RIMS2: variants seen among roughly 807,000 people sequenced by gnomAD.
The protein encoded by RIMS2 is regulating synaptic membrane exocytosis protein 2.
In RIMS2, 59 loss-of-function variants were observed where a neutral mutation model predicts 174.4. That is an observed-to-expected ratio of 0.34 (90% CI 0.27 to 0.42). The LOEUF (loss-of-function observed/expected upper bound fraction) is 0.42, where lower values mean the gene tolerates loss of function less well. RIMS2 is among the 10% of genes least tolerant of loss of function. The probability of loss-of-function intolerance (pLI) is 1.00; values close to 1 mark genes in which losing one functional copy is unlikely to be tolerated. For missense variants in RIMS2, 1,620 were observed against 1,666.3 expected (o/e 0.97, Z 0.48); for synonymous variants, 606 against 572.5 (o/e 1.06, Z -0.84).
At chr8:104,060,889 T>A (rs891447095) in intron 19 of RIMS2, among the ~76,000 whole-genome samples, 20 of 152,150 alleles carry the variant, frequency 1.3e-4, no homozygotes, top group Non-Finnish European at 2.2e-4. Flanking sequence ...TTTGAGTGAG[T>A]TTCTTAATCC....
At chr8:103,912,124 A>G (rs1458264519) in exon 6 of RIMS2, 1 of 1,608,102 alleles carries the variant, frequency 6.2e-7, no homozygotes, top group Non-Finnish European at 8.5e-7. Context: ...ATAAGCGTCT[A>G]AAAGATGGAA....
At chr8:103,747,800 T>A (rs2097841292) in intron 2 of RIMS2, among the ~76,000 whole-genome samples, 1 of 152,136 alleles carries the variant, frequency 6.6e-6, no homozygotes, top group Non-Finnish European at 1.5e-5. Context: ...CGTGTAAAGG[T>A]CTGAAATTCA....
intron 1 of RIMS2, among the ~76,000 whole-genome samples, chr8:103,525,503 G>A (rs1329085069): frequency 6.6e-6 from 1 of 152,102 alleles, no homozygotes; most frequent in Admixed American, 6.6e-5. Flanking sequence ...ATGGAAAGAG[G>A]CAGTCCGGCC....
chr8:103,509,022 A>G lies in RIMS2; in HGVS notation c.176+7960A>G, dbSNP rs186126268. 2.2e-3 allele frequency among the ~76,000 whole-genome samples: 328 copies of G among 152,096 alleles called. 1 individual carries two copies. The highest frequency in any genetic ancestry group is 3.9e-3 in the Non-Finnish European group (263 of 67,930). On this transcript the variant is annotated intron_variant, in intron 1 of 23. Coordinates refer to ENST00000504942, the Ensembl canonical transcript of RIMS2. ...CCTAGGACCAGTGTTCTCTTGAGGG[A>G]GCAGTTGTGAAGTGGCTTATTTTAT...
chr8:104,088,014 T>C (rs925818465), intron 19 of RIMS2, among the ~76,000 whole-genome samples: 10 of 152,100 alleles, frequency 6.6e-5, no homozygotes, highest in African/African-American at 2.4e-4. Flanking sequence ...CACTGCCCTC[T>C]CCTCCCAATT....
chr8:103,813,265 G>T (rs1246506523), intron 3 of RIMS2, among the ~76,000 whole-genome samples: 1 of 152,046 alleles, frequency 6.6e-6, no homozygotes, highest in Non-Finnish European at 1.5e-5. Flanking sequence ...ATTCAGACGA[G>T]CATAACTTTC....
chr8:103,796,311 C>T (rs1158964975), intron 3 of RIMS2, among the ~76,000 whole-genome samples: 1 of 152,128 alleles, frequency 6.6e-6, no homozygotes, highest in Admixed American at 6.6e-5. Flanking sequence ...TGAGTACCTA[C>T]AATGTTCTAG....
intron 19 of RIMS2, among the ~76,000 whole-genome samples, chr8:104,041,610 T>A (rs2096610530): frequency 6.6e-6 from 1 of 151,676 alleles, no homozygotes; most frequent in Admixed American, 6.6e-5. Flanking sequence ...ATAAACTGAA[T>A]AACTAAAGGC....
At chr8:104,169,755 G>C (rs1463561392) in intron 19 of RIMS2, among the ~76,000 whole-genome samples, 1 of 151,840 alleles carries the variant, frequency 6.6e-6, no homozygotes, top group Non-Finnish European at 1.5e-5. Flanking sequence ...AGTTCCTTGA[G>C]GTGTGACATT....
At chr8:103,866,263 A>G (rs967691263) in intron 3 of RIMS2, among the ~76,000 whole-genome samples, 5 of 152,094 alleles carry the variant, frequency 3.3e-5, no homozygotes, top group South Asian at 2.1e-4. Flanking sequence ...TTCTGATTCT[A>G]CTTCCTTTTA....
At chr8:103,640,071 G>A (rs540461344) in intron 1 of RIMS2, among the ~76,000 whole-genome samples, 4 of 151,914 alleles carry the variant, frequency 2.6e-5, no homozygotes, top group East Asian at 3.9e-4. Context: ...TTTGGTTTAT[G>A]TATGATTCAA....
intron 3 of RIMS2, among the ~76,000 whole-genome samples, chr8:103,865,569 G>T (rs943493476): frequency 5.3e-5 from 8 of 152,036 alleles, no homozygotes; most frequent in Non-Finnish European, 1.2e-4. Flanking sequence ...ACAGATGTGA[G>T]CCACCACACC....
intron 2 of RIMS2, among the ~76,000 whole-genome samples, chr8:103,715,076 A>G (rs2097352296): frequency 1.3e-5 from 2 of 152,192 alleles, no homozygotes; most frequent in African/African-American, 2.4e-5. Flanking sequence ...TATAAAATCA[A>G]CCAAGGACAC....
intron 1 of RIMS2, among the ~76,000 whole-genome samples, chr8:103,621,430 T>A (rs1210502533): frequency 1.3e-5 from 2 of 152,180 alleles, no homozygotes; most frequent in African/African-American, 4.8e-5. Flanking sequence ...AAGTAACTTG[T>A]GGAATGCTGA....
In RIMS2 at chr8:103,700,252, T is replaced by C. The variant is rs533810862; in HGVS notation, c.387+2956T>C. Among the ~76,000 whole-genome samples the C allele has an allele frequency of 3.3e-5, 5 of 152,286 alleles. No individual in the cohort carries two copies. The East Asian group carries it at 9.6e-4, about 29-fold the overall frequency. On this transcript the variant is annotated intron_variant, in intron 2 of 23. Coordinates refer to ENST00000504942, the Ensembl canonical transcript of RIMS2. ...TTTATGTATTTTTAGCCTCTGTTTTTAGGGACATAAACATTAGGATTGTTA... is the reference window on the plus strand; with the variant it reads ...TTTATGTATTTTTAGCCTCTGTTTTCAGGGACATAAACATTAGGATTGTTA...
intron 6 of RIMS2, 125 bp from the exon 10 acceptor site, chr8:103,915,370 C>T (rs780792588): frequency 6.5e-5 from 32 of 490,746 alleles, no homozygotes; most frequent in Non-Finnish European, 1.1e-4. Context: ...TTTAAGAAAT[C>T]ATTTTCTGTA....
At chr8:104,245,348 T>C (rs907987572) in intron 20 of RIMS2, among the ~76,000 whole-genome samples, 1 of 152,218 alleles carries the variant, frequency 6.6e-6, no homozygotes, top group Non-Finnish European at 1.5e-5. Flanking sequence ...TAGCTTGAAA[T>C]AATATATAAA....
intron 1 of RIMS2, among the ~76,000 whole-genome samples, chr8:103,547,679 T>G (rs1845751038): frequency 6.6e-6 from 1 of 151,926 alleles, no homozygotes; most frequent in Non-Finnish European, 1.5e-5. Context: ...GTGAAGGAAA[T>G]TGAGATACAC....
chr8:104,231,197 C>T (rs2099226243), intron 19 of RIMS2, among the ~76,000 whole-genome samples: 1 of 152,154 alleles, frequency 6.6e-6, no homozygotes. Context: ...CTCTCTCTCC[C>T]TTCTGGACCA....
Sources: gnomAD v4.1 joint callset for allele counts (sites outside exome capture counted in the v4.1 genomes callset) on GRCh38, gnomAD v4.1.1 for gene constraint, MANE v1.5 for transcripts, NCBI Gene and HGNC (gene_info 2026-07-23, HGNC 2026-07-21) for gene names.